The following URB1 variants were observed in gnomAD, a reference collection of about 807,000 sequenced individuals.
The protein encoded by URB1 is nucleolar pre-ribosomal-associated protein 1.
Under a neutral mutation model 242.3 loss-of-function variants are expected in URB1, and 197 were observed. That is an observed-to-expected ratio of 0.81 (90% CI 0.72 to 0.91). The LOEUF is 0.91. URB1 is among the 40% of genes least tolerant of loss of function. The pLI is 0.00. For missense variants in URB1, 2,721 were observed against 2,860.5 expected (o/e 0.95, Z 1.11); for synonymous variants, 1,153 against 1,201.8 (o/e 0.96, Z 0.84).
Position 32,330,491 on chromosome 21 carries a change from A to G in URB1, c.4960+2826T>C, listed in dbSNP as rs536909531. ...AAAAAAGTCCTCCCAGACCAAGGGA[A>G]AAAAAAAAAAAAAGCACAGTACTCA... is the stretch of plus-strand genomic sequence containing the variant. On this transcript the variant is annotated intron_variant, in intron 30 of 38. Transcript: ENST00000382751. Among the ~76,000 whole-genome samples, 374 of 148,132 alleles carry G rather than the reference A, an allele frequency of 2.5e-3. 2 individuals carry two copies. Among genetic ancestry groups the G allele is most frequent in the South Asian group, 0.012 (55 of 4,698 alleles).
chr21:32,388,606 G>A (rs2033607816), intron 1 of URB1, among the ~76,000 whole-genome samples: 1 of 152,224 alleles, frequency 6.6e-6, no homozygotes, highest in South Asian at 2.1e-4. Flanking sequence ...GGCCATGGGT[G>A]TTCTGACCAA....
chr21:32,350,999 A>C, intron 19 of URB1, 77 bp from the exon 20 acceptor site: 1 of 1,385,784 alleles, frequency 7.2e-7, no homozygotes, highest in Non-Finnish European at 9.8e-7. Context: ...CACAGGTAAC[A>C]CACAACAAAC....
intron 11 of URB1, among the ~76,000 whole-genome samples, 188 bp downstream of exon 11, chr21:32,362,968 T>C (rs2123600558): frequency 6.6e-6 from 1 of 152,346 alleles, no homozygotes; most frequent in African/African-American, 2.4e-5. Context: ...GTGACATCAC[T>C]GCCTACAATC....
intron 18 of URB1, among the ~76,000 whole-genome samples, chr21:32,353,630 G>A (rs1273928566): frequency 2.6e-5 from 4 of 152,162 alleles, no homozygotes; most frequent in African/African-American, 9.7e-5. Context: ...CTACATCAAC[G>A]TATCAAGAAT....
chr21:32,350,317 C>A lies in URB1; in HGVS notation c.2832+387G>T, dbSNP rs558684840. Among the ~76,000 whole-genome samples, 5 of 152,250 alleles carry A rather than the reference C, an allele frequency of 3.3e-5. No individual in the cohort carries two copies. The South Asian group carries it at 6.2e-4, about 19-fold the overall frequency. ...GGAATGGTGGTGCATGCCTGTAGTCCCAGCTACTTGAAAGGCTGAGAGGTT... is the reference window on the plus strand; with the variant it reads ...GGAATGGTGGTGCATGCCTGTAGTCACAGCTACTTGAAAGGCTGAGAGGTT... On this transcript the variant is annotated intron_variant, in intron 20 of 38. Transcript: ENST00000382751.
At position 32,353,969 on chromosome 21, in the gene URB1, T is replaced by C. The variant is rs1047831306; in HGVS notation, c.2380A>G (p.Arg794Gly). 3 of 1,551,786 alleles carry C rather than the reference T, an allele frequency of 1.9e-6. No homozygotes were observed. The highest frequency in any genetic ancestry group is 1.4e-5 in the African/African-American group (1 of 73,180). ...CCTGTCCCAAGGAGCAACTTATTCC[T>C]GGCTTCCAGGGCCGCAGGGACTACC... Reference protein sequence around the residue: ...SAVVPAALEARNKLLLGTGNE... With the variant: ...SAVVPAALEAGNKLLLGTGNE... The change falls in exon 18 of 39, where the codon AGG (arginine) becomes GGG (glycine). Residue 794 changes from arginine to glycine, a missense_variant. By Grantham distance (125) the Arg-to-Gly change is moderately radical. Coordinates refer to ENST00000382751, the MANE Select transcript of URB1 (RefSeq NM_014825.3).
intron 8 of URB1, among the ~76,000 whole-genome samples, chr21:32,370,972 T>C (rs947076122): frequency 6.6e-6 from 1 of 152,156 alleles, no homozygotes; most frequent in Non-Finnish European, 1.5e-5. Context: ...TCTCACCACT[T>C]CTCACCAATC....
Position 32,385,617 on chromosome 21 carries a change from C to T in URB1, c.210G>A (p.Gly70=), listed in dbSNP as rs764684496. ...PREDVYDVVE[G]YIKISVECVE... The stretch of plus-strand genomic sequence containing the variant: ...CACACTCAACAGAAATCTTTATATA[C>T]CCTTCCACAACATCATACACATCTT... Residue 70 remains glycine (G), a synonymous_variant, in exon 2 of 39, where the codon GGG becomes GGA. Coordinates refer to ENST00000382751, the MANE Select transcript of URB1 (RefSeq NM_014825.3). 1.1e-4 allele frequency: 164 copies of T among 1,551,732 alleles called. 2 individuals are homozygous for T. In the South Asian group the frequency reaches 1.7e-3, roughly 17 times the overall value.
chr21:32,362,027 T>TG lies in URB1; in HGVS notation c.1510-7dup. On this transcript the variant is annotated splice_polypyrimidine_tract_variant and splice_region_variant and intron_variant, in intron 11 of 38. Transcript: ENST00000382751. ...GTGTTCAGGTCTGGCAAAATCTAAA[T>TG]GGGAAAAAGAAGCAGAACATTAGTT... The TG allele has an allele frequency of 6.4e-7, 1 of 1,550,820 alleles. No individual in the cohort carries two copies.
In URB1 at chr21:32,320,593, A is replaced by C. The variant is rs953769986; in HGVS notation, c.5532T>G (p.Ser1844=). The C allele has an allele frequency of 6.4e-7, 1 of 1,551,828 alleles. No individual in the cohort carries two copies. The highest frequency in any genetic ancestry group is 1.4e-5 in the African/African-American group (1 of 73,052). Residue 1844 remains serine, a synonymous_variant, in exon 35 of 39, where the codon TCT becomes TCG. Transcript: ENST00000382751. ...ILQNAAQVAR[S]AYEIIRDYSL... ...TATAGTCTCGTATGATTTCATACGC[A>C]GATCTGGCAACCTGGGCAGCATTCT... is the stretch of plus-strand genomic sequence containing the variant.
rs556922150 is a variant in URB1 at position 32,352,899 on chromosome 21, G to A, written c.2424C>T (p.Asn808=). ...GCACTGCCGTCAGATATGTCACAAC[G>A]TTTTCCGCTGCAAAGGAACGAGATG... ...LLGTGNEAAE[N]VVTYLTAVLT... The change falls in exon 19 of 39, where the codon AAC becomes AAT. Residue 808 remains asparagine, a synonymous_variant. Coordinates refer to ENST00000382751, the MANE Select transcript of URB1 (RefSeq NM_014825.3). 14 of 1,544,984 alleles carry A rather than the reference G, an allele frequency of 9.1e-6. No homozygotes were observed. In the Admixed American group the frequency reaches 1.2e-4, roughly 13 times the overall value.
chr21:32,350,267 C>G (rs1161636314), intron 20 of URB1, among the ~76,000 whole-genome samples: 1 of 152,174 alleles, frequency 6.6e-6, no homozygotes, highest in Non-Finnish European at 1.5e-5. Context: ...GAACCCATCT[C>G]TTCAAAAAAC....
At chr21:32,369,074 T>TG (rs144617287) in intron 8 of URB1, among the ~76,000 whole-genome samples, 22,392 of 152,048 alleles carry the variant, frequency 0.15, 2,199 homozygotes, top group African/African-American at 0.28. Context: ...CTGGCTGTGG[T>TG]ACTCACAACT....
chr21:32,361,183 G>A (rs2033282524), intron 12 of URB1, 60 bp from the exon 13 acceptor site: 1 of 810,282 alleles, frequency 1.2e-6, no homozygotes, highest in Non-Finnish European at 1.9e-6. Flanking sequence ...AAGAAAGAAA[G>A]AAAGAAAGAA....
chr21:32,384,512 C>A (rs2033560305), intron 2 of URB1, 48 bp from the exon 3 acceptor site: 2 of 1,536,674 alleles, frequency 1.3e-6, no homozygotes, highest in Admixed American at 4.0e-5. Flanking sequence ...ATTTCCTTTC[C>A]TCCTGTACAT....
intron 4 of URB1, among the ~76,000 whole-genome samples, chr21:32,382,494 T>C (rs1381460386): frequency 6.6e-6 from 1 of 152,122 alleles, no homozygotes; most frequent in Non-Finnish European, 1.5e-5. Flanking sequence ...TTATCAACCC[T>C]TTAGTCCAAT....
chr21:32,334,417 T>C, intron 28 of URB1, 83 bp from the exon 29 acceptor site: 6 of 1,438,786 alleles, frequency 4.2e-6, no homozygotes, highest in South Asian at 1.4e-5. Flanking sequence ...CAGGTAGCAG[T>C]TGTCAGGCTG....
intron 8 of URB1, among the ~76,000 whole-genome samples, chr21:32,369,288 G>C (rs1019132876): frequency 1.3e-5 from 2 of 152,148 alleles, no homozygotes; most frequent in African/African-American, 2.4e-5. Context: ...GCTTGAACCT[G>C]AGAGGTGGAG....
intron 21 of URB1, among the ~76,000 whole-genome samples, chr21:32,348,740 GGT>G (rs1291954350): frequency 2.0e-5 from 3 of 152,182 alleles, no homozygotes; most frequent in Non-Finnish European, 2.9e-5. Context: ...AATAATAGGT[GGT>G]CCCACCCAAG....
Sources: allele counts gnomAD v4.1 joint callset (sites outside exome capture counted in the v4.1 genomes callset), GRCh38; gene constraint gnomAD v4.1.1; transcripts MANE v1.5; gene names NCBI Gene and HGNC (gene_info 2026-07-23, HGNC 2026-07-21).